The following FBXL7 variants were observed in gnomAD, a reference collection of about 807,000 sequenced individuals.
FBXL7 encodes the protein F-box and leucine rich repeat protein 7.
Under a neutral mutation model 38.3 loss-of-function variants are expected in FBXL7, and 12 were observed. The ratio of observed to expected loss-of-function variants is 0.31; its 90% CI spans 0.20 to 0.51. The LOEUF is 0.51. FBXL7 is among the 20% of genes least tolerant of loss of function. The pLI is 0.98. For synonymous variants in FBXL7, 297 were observed against 300.9 expected (o/e 0.99, Z 0.13); for missense variants, 567 against 676.4 (o/e 0.84, Z 1.79).
chr5:15,870,063 T>C (rs1739887585), intron 2 of FBXL7, among the ~76,000 whole-genome samples: 1 of 152,086 alleles, frequency 6.6e-6, no homozygotes, highest in Non-Finnish European at 1.5e-5. Flanking sequence ...TGATCCGCGA[T>C]TGCACCACTG....
intron 2 of FBXL7, among the ~76,000 whole-genome samples, chr5:15,819,771 G>A (rs756659446): frequency 6.6e-6 from 1 of 152,170 alleles, no homozygotes; most frequent in Non-Finnish European, 1.5e-5. Context: ...GTGGCCACCA[G>A]CCCTGTACTT....
intron 2 of FBXL7, among the ~76,000 whole-genome samples, chr5:15,717,839 A>T (rs1744085626): frequency 6.6e-6 from 1 of 152,194 alleles, no homozygotes; most frequent in Admixed American, 6.5e-5. Flanking sequence ...AATGGTCTAG[A>T]ATAAAGGATC....
chr5:15,557,843 C>G (rs1399919885), intron 1 of FBXL7, among the ~76,000 whole-genome samples: 1 of 152,168 alleles, frequency 6.6e-6, no homozygotes, highest in Admixed American at 6.5e-5. Context: ...CTCTGACCAC[C>G]TGGTGAAAAG....
intron 2 of FBXL7, among the ~76,000 whole-genome samples, chr5:15,780,825 C>T (rs1435778087): frequency 6.6e-6 from 1 of 152,140 alleles, no homozygotes; most frequent in Non-Finnish European, 1.5e-5. Context: ...CCAGAGCAGG[C>T]ATTGAGTCAG....
chr5:15,517,020 T>C (rs1478755150), intron 1 of FBXL7, among the ~76,000 whole-genome samples: 1 of 151,790 alleles, frequency 6.6e-6, no homozygotes, highest in Non-Finnish European at 1.5e-5. Context: ...TTTATTTTTA[T>C]TTTTATTTTT....
chr5:15,865,548 A>G (rs1203171497), intron 2 of FBXL7, among the ~76,000 whole-genome samples: 1 of 152,148 alleles, frequency 6.6e-6, no homozygotes. Context: ...GGATGAAGCT[A>G]AGAATTGATG....
intron 2 of FBXL7, among the ~76,000 whole-genome samples, chr5:15,662,276 A>G (rs548486153): frequency 6.6e-6 from 1 of 152,218 alleles, no homozygotes; most frequent in East Asian, 1.9e-4. Context: ...CTATGTGTTT[A>G]TCAGCTGCAT....
At chr5:15,834,778 A>G (rs776758612) in intron 2 of FBXL7, among the ~76,000 whole-genome samples, 1 of 152,208 alleles carries the variant, frequency 6.6e-6, no homozygotes, top group Non-Finnish European at 1.5e-5. Context: ...TTCTTTCAGC[A>G]TGCCTGTTTT....
chr5:15,899,359 G>A (rs562777261), intron 2 of FBXL7, among the ~76,000 whole-genome samples: 366 of 152,226 alleles, frequency 2.4e-3, no homozygotes, highest in Non-Finnish European at 4.6e-3. Flanking sequence ...GAGCCACCGC[G>A]CCTGGCCAAT....
chr5:15,676,333 C>G (rs1368344611), intron 2 of FBXL7, among the ~76,000 whole-genome samples: 1 of 152,202 alleles, frequency 6.6e-6, no homozygotes, highest in Non-Finnish European at 1.5e-5. Flanking sequence ...TTTCTGCTGT[C>G]ATATCCGATT....
intron 2 of FBXL7, among the ~76,000 whole-genome samples, chr5:15,666,063 C>T (rs1404203978): frequency 6.6e-6 from 1 of 152,068 alleles, no homozygotes; most frequent in Non-Finnish European, 1.5e-5. Flanking sequence ...ATTGATAAAA[C>T]TATTGAATAG....
intron 2 of FBXL7, among the ~76,000 whole-genome samples, chr5:15,712,692 A>G (rs1743914524): frequency 6.6e-6 from 1 of 151,998 alleles, no homozygotes; most frequent in African/African-American, 2.4e-5. Context: ...AAAAAAAAAG[A>G]AAAGAAAAGG....
chr5:15,510,924 G>T (rs1055141578), intron 1 of FBXL7, among the ~76,000 whole-genome samples: 4 of 152,162 alleles, frequency 2.6e-5, no homozygotes, highest in Admixed American at 2.6e-4. Flanking sequence ...AAGCTTAGAT[G>T]CCAACTCCCT....
At chr5:15,519,870 C>A (rs902377658) in intron 1 of FBXL7, among the ~76,000 whole-genome samples, 3 of 152,054 alleles carry the variant, frequency 2.0e-5, no homozygotes, top group Non-Finnish European at 4.4e-5. Flanking sequence ...GGATCTCTCA[C>A]AAGAAAGAAT....
At chr5:15,662,038 G>A (rs1208858853) in intron 2 of FBXL7, among the ~76,000 whole-genome samples, 1 of 152,124 alleles carries the variant, frequency 6.6e-6, no homozygotes, top group East Asian at 1.9e-4. Context: ...ATTCCTGTGG[G>A]TACAAAGCCA....
At chr5:15,923,047 G>A (rs1261777818) in intron 2 of FBXL7, among the ~76,000 whole-genome samples, 4 of 152,160 alleles carry the variant, frequency 2.6e-5, no homozygotes, top group Non-Finnish European at 5.9e-5. Flanking sequence ...AGCACATATA[G>A]TCAGTTTGTA....
intron 1 of FBXL7, among the ~76,000 whole-genome samples, chr5:15,560,807 TGTG>T (rs1738389776): frequency 1.3e-5 from 2 of 152,220 alleles, no homozygotes; most frequent in East Asian, 3.8e-4. Flanking sequence ...ATGATTTTGT[TGTG>T]CTCATTCCAG....
At chr5:15,816,591 A>C (rs1439556743) in intron 2 of FBXL7, among the ~76,000 whole-genome samples, 1 of 152,194 alleles carries the variant, frequency 6.6e-6, no homozygotes, top group Non-Finnish European at 1.5e-5. Flanking sequence ...TTCAGATTTC[A>C]CCACTATACA....
Position 15,873,432 on chromosome 5 carries a change from T to C in FBXL7, c.128-54458T>C, listed in dbSNP as rs558180505. ...AAGATTAGAGCAGAACTGAGGGAGATAGAGACACAAAAAAACCCTTCAAAA... is the reference window on the plus strand; with the variant it reads ...AAGATTAGAGCAGAACTGAGGGAGACAGAGACACAAAAAAACCCTTCAAAA... On this transcript the variant is annotated intron_variant, in intron 2 of 3. Coordinates refer to ENST00000504595, the MANE Select transcript of FBXL7 (RefSeq NM_012304.5). Among the ~76,000 whole-genome samples the C allele has an allele frequency of 4.6e-5, 7 of 151,702 alleles. No individual in the cohort carries two copies. In the South Asian group the frequency reaches 1.3e-3, roughly 27 times the overall value.
Sources: gnomAD v4.1 joint callset for allele counts (sites outside exome capture counted in the v4.1 genomes callset) on GRCh38, gnomAD v4.1.1 for gene constraint, MANE v1.5 for transcripts, NCBI Gene and HGNC (gene_info 2026-07-23, HGNC 2026-07-21) for gene names.